Variants in JAK2 observed in about 807,000 individuals in gnomAD.
JAK2 encodes the protein tyrosine-protein kinase JAK2.
A neutral mutation model predicts 139.3 loss-of-function variants in JAK2; 86 were observed. The ratio of observed to expected loss-of-function variants is 0.62; its 90% confidence interval spans 0.52 to 0.74. JAK2 has a LOEUF of 0.74. Ranked by LOEUF, JAK2 falls within the 30% of genes least tolerant of loss-of-function variation. JAK2 has a pLI of 0.00. For synonymous variants in JAK2, 490 were observed against 437.7 expected (o/e 1.12, Z -1.49); for missense variants, 1,421 against 1,360.3 (o/e 1.04, Z -0.70).
Position 5,054,423 on chromosome 9 carries a change from G to A in JAK2, c.615-140G>A, listed in dbSNP as rs111380693. On this transcript the variant is annotated intron_variant, in intron 6 of 24. Transcript: ENST00000381652. This position sits in a 1 kb window ranked among gnomAD's most constrained non-coding sequence, Gnocchi z 4.9. ...TTTATACTGTATGGATGGGGGTTATGTCAACTTACGCCACTTGGCCACTGT... is the reference window on the plus strand; with the variant it reads ...TTTATACTGTATGGATGGGGGTTATATCAACTTACGCCACTTGGCCACTGT... 6.5e-3 allele frequency: 4,126 copies of A among 634,684 alleles called. 151 individuals are homozygous for A. The African/African-American group carries it at 0.07, about 11-fold the overall frequency. The allele number at this position is 634,684 out of a possible 1,614,324, so 39.3% of individuals were successfully genotyped here.
intron 14 of JAK2, among the ~76,000 whole-genome samples, chr9:5,074,088 T>C (rs190542758): frequency 6.6e-6 from 1 of 152,126 alleles, no homozygotes; most frequent in South Asian, 2.1e-4. Context: ...CAACATAACA[T>C]TGGAATAACT....
At chr9:5,047,623 C>T (rs752520323) in intron 5 of JAK2, among the ~76,000 whole-genome samples, 17 of 152,244 alleles carry the variant, frequency 1.1e-4, no homozygotes, top group Middle Eastern at 3.4e-3. Context: ...ATTTTGTCAG[C>T]TACTCAAATG....
At chr9:5,039,374 C>T (rs1381974553) in intron 4 of JAK2, among the ~76,000 whole-genome samples, 2 of 152,070 alleles carry the variant, frequency 1.3e-5, no homozygotes, top group East Asian at 3.9e-4. Context: ...ATTTACATAA[C>T]ATTTACATTG....
At chr9:4,990,368 A>T (rs1388964920) in intron 2 of JAK2, among the ~76,000 whole-genome samples, 2 of 152,192 alleles carry the variant, frequency 1.3e-5, no homozygotes, top group Admixed American at 1.3e-4. Context: ...TAACAAAAAT[A>T]GTTATGGCAG....
intron 22 of JAK2, chr9:5,108,505 T>C (rs999731528): frequency 1.8e-4 from 28 of 152,120 alleles, no homozygotes; most frequent in African/African-American, 6.3e-4. Context: ...AATAATCTTA[T>C]ATGACTAGCA....
At chr9:5,070,406 A>C (rs930777019) in intron 12 of JAK2, among the ~76,000 whole-genome samples, 6 of 152,104 alleles carry the variant, frequency 3.9e-5, no homozygotes, top group African/African-American at 1.2e-4. Context: ...CTGAGAAAAA[A>C]ATCCAGCCAT....
At chr9:5,118,946 A>G (rs1289660873) in intron 22 of JAK2, among the ~76,000 whole-genome samples, 1 of 152,190 alleles carries the variant, frequency 6.6e-6, no homozygotes, top group Non-Finnish European at 1.5e-5. Context: ...TATACCAAAA[A>G]GCTTTTAAAA....
At chr9:5,038,841 G>T (rs1295508959) in intron 4 of JAK2, among the ~76,000 whole-genome samples, 1 of 151,996 alleles carries the variant, frequency 6.6e-6, no homozygotes, top group African/African-American at 2.4e-5. Context: ...GAAATACAAG[G>T]CTAGTGTAAC....
chr9:4,994,157 A>G (rs1018461858), intron 2 of JAK2, among the ~76,000 whole-genome samples: 2 of 152,228 alleles, frequency 1.3e-5, no homozygotes, highest in African/African-American at 2.4e-5. Flanking sequence ...AGTGTTTGGA[A>G]TCTTTACTTA....
intron 18 of JAK2, 66 bp downstream of exon 18, chr9:5,080,749 A>C (rs1452811974): frequency 7.3e-6 from 9 of 1,231,008 alleles, no homozygotes; most frequent in Middle Eastern, 4.2e-4. Flanking sequence ...ATGAATCATT[A>C]CTAATTTTTA....
chr9:5,040,149 C>T (rs908476605), intron 4 of JAK2, among the ~76,000 whole-genome samples: 1 of 152,174 alleles, frequency 6.6e-6, no homozygotes, highest in East Asian at 1.9e-4. Flanking sequence ...AATATAATTT[C>T]TCACATTGAT....
rs1262935392 is a variant in JAK2 at position 5,123,076 on chromosome 9, G to A, written c.3132G>A (p.Leu1044=). The change falls in exon 23 of 25, where the codon CTG becomes CTA. Residue 1044 remains leucine, a synonymous_variant. Coordinates refer to ENST00000381652, the MANE Select transcript of JAK2 (RefSeq NM_004972.4). The part of the protein sequence containing the change: ...ASDVWSFGVV[L]YELFTYIEKS... ...ATGTTTGGAGCTTTGGAGTGGTTCTGTATGAACTTTTCACATACATTGAGA... is the reference window on the plus strand; with the variant it reads ...ATGTTTGGAGCTTTGGAGTGGTTCTATATGAACTTTTCACATACATTGAGA... The A allele has an allele frequency of 3.7e-6, 6 of 1,611,286 alleles. No homozygotes were observed. In the African/African-American group the frequency reaches 6.7e-5, roughly 18 times the overall value.
At chr9:5,035,205 G>C (rs148058371) in intron 4 of JAK2, among the ~76,000 whole-genome samples, 3,072 of 152,250 alleles carry the variant, frequency 0.02, 60 homozygotes, top group Non-Finnish European at 0.035. Context: ...TCTCTGCATA[G>C]ACCAATAACA....
At chr9:5,056,894 T>G (rs1468699477) in intron 8 of JAK2, among the ~76,000 whole-genome samples, 1 of 152,186 alleles carries the variant, frequency 6.6e-6, no homozygotes, top group Non-Finnish European at 1.5e-5. Flanking sequence ...GGCACAGTGT[T>G]AGTTAAGTGG....
At chr9:5,038,407 C>G (rs956333756) in intron 4 of JAK2, among the ~76,000 whole-genome samples, 3 of 152,126 alleles carry the variant, frequency 2.0e-5, no homozygotes, top group African/African-American at 7.2e-5. Context: ...AGGAGGATTT[C>G]TGAGCTCTTT....
intron 22 of JAK2, among the ~76,000 whole-genome samples, chr9:5,113,117 C>A (rs1311025583): frequency 1.3e-5 from 2 of 151,746 alleles, no homozygotes; most frequent in African/African-American, 4.8e-5. Context: ...GTATCTCAGC[C>A]ACCATGTCAC....
chr9:5,047,051 C>T (rs1232078838), intron 5 of JAK2, among the ~76,000 whole-genome samples: 1 of 152,080 alleles, frequency 6.6e-6, no homozygotes, highest in Non-Finnish European at 1.5e-5. Flanking sequence ...TCTAGCATGG[C>T]AAGGTAATTC....
At position 5,111,807 on chromosome 9, in the gene JAK2, C is replaced by T. The variant is rs541613874; in HGVS notation, c.3060-11197C>T. 121 of 422,036 alleles carry T rather than the reference C, an allele frequency of 2.9e-4. 2 individuals carry two copies. Among genetic ancestry groups the T allele is most frequent in the Middle Eastern group, 1.0e-3 (2 of 1,958 alleles). The allele number at this position is 422,036 out of a possible 1,614,324, so 26.1% of individuals were successfully genotyped here. ...ACCTTCTCCTTGGCCCCCGGAGCCA[C>T]GTAGGCGGCGTCTCCAGCCACACGC... On this transcript the variant is annotated intron_variant, in intron 22 of 24. Coordinates refer to ENST00000381652, the MANE Select transcript of JAK2 (RefSeq NM_004972.4).
intron 22 of JAK2, chr9:5,112,079 G>C (rs979849093): frequency 2.6e-6 from 1 of 385,488 alleles, no homozygotes; most frequent in Non-Finnish European, 5.2e-6. Flanking sequence ...TGGAGAGTAA[G>C]ATAGAAGACC....
Sources: gnomAD v4.1 joint callset for allele counts (sites outside exome capture counted in the v4.1 genomes callset) on GRCh38, gnomAD v4.1.1 for gene constraint, Gnocchi (gnomAD v3.1) non-coding constraint, MANE v1.5 for transcripts, NCBI Gene and HGNC (gene_info 2026-07-23, HGNC 2026-07-21) for gene names.